Variants in TBCD observed in about 807,000 individuals in gnomAD.
The protein encoded by TBCD is tubulin-specific chaperone D.
A neutral mutation model predicts 169.3 loss-of-function variants in TBCD; 105 were observed. The ratio of observed to expected loss-of-function variants is 0.62; its 90% CI spans 0.53 to 0.73. TBCD has a LOEUF of 0.73. Ranked by LOEUF, TBCD falls within the 30% of genes least tolerant of loss-of-function variation. TBCD has a pLI of 0.00. For missense variants in TBCD, 1,444 were observed against 1,600.1 expected, an observed-to-expected ratio of 0.90 and a Z score of 1.66; for synonymous variants, 700 against 643.9, an observed-to-expected ratio of 1.09 and a Z score of -1.32.
chr17:82,801,914 G>A (rs1173107681), intron 9 of TBCD, among the ~76,000 whole-genome samples: 2 of 148,496 alleles, frequency 1.3e-5, no homozygotes, highest in Non-Finnish European at 3.0e-5. Context: ...GGAGGGCGGC[G>A]TGTGTGTCGT....
intron 13 of TBCD, among the ~76,000 whole-genome samples, chr17:82,867,891 C>T (rs1173944820): frequency 6.6e-6 from 1 of 152,196 alleles, no homozygotes; most frequent in Non-Finnish European, 1.5e-5. Context: ...GATGGTGCTG[C>T]CGGCTCTGAC....
intron 13 of TBCD, among the ~76,000 whole-genome samples, chr17:82,868,051 G>C (rs1184350688): frequency 6.6e-6 from 1 of 152,212 alleles, no homozygotes; most frequent in East Asian, 1.9e-4. Flanking sequence ...TGGGGTCCTG[G>C]GGGTGAGAGC....
In TBCD at chr17:82,807,747, A is replaced by G. The variant is rs767563141; in HGVS notation, c.1148+79A>G. The G allele has an allele frequency of 1.1e-5, 13 of 1,197,390 alleles. No homozygotes were observed. In the Admixed American group the frequency reaches 1.5e-4, roughly 14 times the overall value. 74.2% of individuals were successfully genotyped at this position (1,197,390 alleles called of 1,614,324 possible). On this transcript the variant is annotated intron_variant, in intron 11 of 38. Transcript: ENST00000355528. ...GCGATTCAGCAGCTACAAATACCCA[A>G]CAGCTTTGGAGTGGCAGCGCGGCCC...
In TBCD at chr17:82,789,673, C is replaced by T. The variant is rs1327902717; in HGVS notation, c.771+7952C>T. 2.0e-5 allele frequency among the ~76,000 whole-genome samples: 3 copies of T among 152,250 alleles called. No homozygotes were observed. The highest frequency in any genetic ancestry group is 7.2e-5 in the African/African-American group (3 of 41,466). On this transcript the variant is annotated intron_variant, in intron 7 of 38. Transcript: ENST00000355528. The surrounding 1 kb of genome is among the most constrained non-coding windows in gnomAD (Gnocchi z 4.8). ...CGCAGTCACCTTAGAGGCACCTTCC[C>T]TCTAAGGCAGATGTCCCTCAGGCTT...
At chr17:82,907,725 G>T (rs755769989) in intron 20 of TBCD, 36 bp from the exon 21 acceptor site, 1 of 1,612,200 alleles carries the variant, frequency 6.2e-7, no homozygotes. Context: ...GGGTCTTGGG[G>T]AGTGTGACTT....
chr17:82,929,367 A>G lies in TBCD; in HGVS notation c.2858A>G (p.Asp953Gly), dbSNP rs1295047649. The G allele has an allele frequency of 6.2e-7, 1 of 1,612,834 alleles. No homozygotes were observed. Among genetic ancestry groups the G allele is most frequent in the Non-Finnish European group, 8.5e-7 (1 of 1,179,432 alleles). ...GELEKLFPRSDVASVNWSAPS... is the reference protein window; with the variant it reads ...GELEKLFPRSGVASVNWSAPS... ...TCTCACTCACTCTCTTGCAGGTCCG[A>G]TGTGGCCTCCGTGAACTGGAGTGCA... The change falls in exon 32 of 39, where the codon GAT (aspartate) becomes GGT (glycine). Residue 953 changes from aspartate (D) to glycine (G), a missense_variant. Coordinates refer to ENST00000355528, the MANE Select transcript of TBCD (RefSeq NM_005993.5).
chr17:82,803,684 C>G (rs2050739624), intron 9 of TBCD, among the ~76,000 whole-genome samples: 1 of 152,230 alleles, frequency 6.6e-6, no homozygotes, highest in African/African-American at 2.4e-5. Context: ...TTGCCATCAC[C>G]TGCTGGCCAA....
chr17:82,879,872 T>A (rs935618867), intron 14 of TBCD, among the ~76,000 whole-genome samples: 4 of 152,008 alleles, frequency 2.6e-5, no homozygotes, highest in Non-Finnish European at 4.4e-5. Flanking sequence ...TTAAGACTCA[T>A]CCCAGTGATC....
chr17:82,809,460 G>C (rs2051266113), intron 11 of TBCD, among the ~76,000 whole-genome samples: 1 of 152,170 alleles, frequency 6.6e-6, no homozygotes, highest in African/African-American at 2.4e-5. Flanking sequence ...CGTTACAGTG[G>C]TACATGGTGA....
chr17:82,773,108 A>G (rs1452667778), intron 6 of TBCD, among the ~76,000 whole-genome samples: 2 of 152,256 alleles, frequency 1.3e-5, no homozygotes, highest in African/African-American at 4.8e-5. Flanking sequence ...GTATGTATGT[A>G]GTTTACTAAG....
chr17:82,833,318 G>A lies in TBCD; in HGVS notation c.1318+18384G>A, dbSNP rs1340651658. Among the ~76,000 whole-genome samples the A allele has an allele frequency of 6.6e-6, 1 of 152,068 alleles. No homozygotes were observed. The highest frequency in any genetic ancestry group is 1.5e-5 in the Non-Finnish European group (1 of 68,014). On this transcript the variant is annotated intron_variant, in intron 13 of 38. Coordinates refer to ENST00000355528, the MANE Select transcript of TBCD (RefSeq NM_005993.5). The surrounding 1 kb of genome is among the most constrained non-coding windows in gnomAD (Gnocchi z 4.7). ...ACCATGGATGCTGCTGCCTCCCCTG[G>A]GGCCGATCCCTAAGCACTCGTGGCA...
intron 34 of TBCD, 109 bp downstream of exon 34, chr17:82,932,844 AGTGC>A: frequency 5.3e-6 from 6 of 1,126,700 alleles, no homozygotes; most frequent in Non-Finnish European, 7.8e-6. Context: ...ATGATCTTCC[AGTGC>A]GTTCTGGGTC....
intron 2 of TBCD, among the ~76,000 whole-genome samples, 176 bp from the exon 3 acceptor site, chr17:82,763,789 G>T (rs1344517429): frequency 6.6e-6 from 1 of 152,150 alleles, no homozygotes; most frequent in Non-Finnish European, 1.5e-5. Flanking sequence ...GCCCAGGCTG[G>T]AGTGCAATAG....
chr17:82,868,336 GC>G (rs1271798121), intron 13 of TBCD, among the ~76,000 whole-genome samples: 3 of 152,144 alleles, frequency 2.0e-5, no homozygotes, highest in Non-Finnish European at 2.9e-5. Context: ...CCTGCCTGGA[GC>G]CCTGGCAGGC....
chr17:82,830,037 G>A (rs2145225971), intron 13 of TBCD: 1 of 1,540,500 alleles, frequency 6.5e-7, no homozygotes, highest in Non-Finnish European at 8.9e-7. Context: ...AGCAGCAGCT[G>A]CATTTGTAAA....
intron 5 of TBCD, among the ~76,000 whole-genome samples, chr17:82,771,207 T>G (rs1005330032): frequency 6.6e-6 from 1 of 151,212 alleles, no homozygotes; most frequent in African/African-American, 2.4e-5. Context: ...GCGTGGAGGT[T>G]TCATGCCTGT....
Position 82,814,988 on chromosome 17 carries a change from A to C in TBCD, c.1318+54A>C, listed in dbSNP as rs558711018. 3.7e-6 allele frequency: 6 copies of C among 1,602,552 alleles called. No homozygotes were observed. In the African/African-American group the frequency reaches 8.0e-5, roughly 21 times the overall value. On this transcript the variant is annotated intron_variant, in intron 13 of 38. Transcript: ENST00000355528. ...ATGTCTGGCGCTGGCGGAGCTGGGCAGGAGAGGCCTGTTGCTGCCATCTCG... is the reference window on the plus strand; with the variant it reads ...ATGTCTGGCGCTGGCGGAGCTGGGCCGGAGAGGCCTGTTGCTGCCATCTCG...
chr17:82,756,551 C>T (rs1289674659), intron 2 of TBCD, among the ~76,000 whole-genome samples: 1 of 152,158 alleles, frequency 6.6e-6, no homozygotes, highest in East Asian at 1.9e-4. Flanking sequence ...GCGATCTCAG[C>T]TCACTGCATC....
Position 82,758,400 on chromosome 17 carries a change from A to ATAAATAAATAAAT in TBCD, c.235+2185_235+2186insTAAATAAATAAAT, listed in dbSNP as rs1555672640. On this transcript the variant is annotated intron_variant, in intron 2 of 38. Coordinates refer to ENST00000355528, the MANE Select transcript of TBCD (RefSeq NM_005993.5). Reference sequence around the variant, plus strand: ...AACGTCTCGGAAAAAAAAAAAAAAAAAAATAAATAAATAAATAAATTTTTT... The same window carrying ATAAATAAATAAAT: ...AACGTCTCGGAAAAAAAAAAAAAAAATAAATAAATAAATAAATAAATAAATAAATAAATTTTTT... Among the ~76,000 whole-genome samples, 58 of 100,060 alleles carry ATAAATAAATAAAT rather than the reference A, an allele frequency of 5.8e-4. 1 individual carries two copies. The South Asian group carries it at 6.8e-3, about 12-fold the overall frequency. The allele number at this position is 100,060 out of a possible 152,430, so 65.6% of individuals were successfully genotyped here.
Sources: allele counts gnomAD v4.1 joint callset (sites outside exome capture counted in the v4.1 genomes callset), GRCh38; gene constraint gnomAD v4.1.1; non-coding constraint Gnocchi (gnomAD v3.1); transcripts MANE v1.5; gene names NCBI Gene and HGNC (gene_info 2026-07-23, HGNC 2026-07-21).